The following FAM13B variants were observed in gnomAD, a reference collection of about 807,000 sequenced individuals.
FAM13B encodes protein FAM13B.
Under a neutral mutation model 117.3 loss-of-function variants are expected in FAM13B, and 60 were observed. That is an observed-to-expected ratio of 0.51 (90% CI 0.42 to 0.63). The LOEUF (loss-of-function observed/expected upper bound fraction) is 0.63. Among genes scored for constraint, FAM13B ranks in the 30% least tolerant of loss-of-function variants. The pLI, the probability that FAM13B is intolerant of heterozygous loss-of-function variation, is 0.00. For synonymous variants in FAM13B, 332 were observed against 356.1 expected, an observed-to-expected ratio of 0.93 and a Z score of 0.76; for missense variants, 972 against 1,091.9, an observed-to-expected ratio of 0.89 and a Z score of 1.55.
At chr5:138,052,146 C>A (rs1432499447), upstream of FAM13B, among the ~76,000 whole-genome samples, 4 of 151,488 alleles carry the variant, frequency 2.6e-5, no homozygotes, top group Non-Finnish European at 5.9e-5. Context: ...ACAAGTCAGC[C>A]AGGGTTTCCA....
rs564830871 is a variant in FAM13B at position 137,963,727 on chromosome 5, T to C, written c.1180-1258A>G. Among the ~76,000 whole-genome samples, 4 of 151,972 alleles carry C rather than the reference T, an allele frequency of 2.6e-5. No individual in the cohort carries two copies. The South Asian group carries it at 6.2e-4, about 24-fold the overall frequency. On this transcript the variant is annotated intron_variant, in intron 10 of 23. Coordinates refer to ENST00000689681, the MANE Select transcript of FAM13B (RefSeq NM_001385994.1). The stretch of plus-strand genomic sequence containing the variant: ...GGTGAGCAGCTGGGGGAGTGGGGAG[T>C]GAGCACTATGGCATGAGCTCCGCGC...
At chr5:138,010,967 A>AG in intron 6 of FAM13B, 41 bp downstream of exon 6, 1 of 1,411,520 alleles carries the variant, frequency 7.1e-7, no homozygotes. Context: ...TAAAAAAAAA[A>AG]AAAAAAAAAA....
chr5:138,026,105 TTAACTA>T (rs1458030025), intron 1 of FAM13B, among the ~76,000 whole-genome samples: 4 of 152,146 alleles, frequency 2.6e-5, no homozygotes, highest in African/African-American at 4.8e-5. Context: ...TTCAAAGACT[TTAACTA>T]TATCAACTCA....
At chr5:138,009,299 C>G (rs1422194774) in intron 6 of FAM13B, among the ~76,000 whole-genome samples, 3 of 152,172 alleles carry the variant, frequency 2.0e-5, no homozygotes, top group African/African-American at 7.2e-5. Context: ...TGAAAAATCA[C>G]TGGCCTAAGT....
In FAM13B at chr5:137,954,117, T is replaced by A. The variant is rs1369091200; in HGVS notation, c.1718+49A>T. The A allele has an allele frequency of 4.5e-6, 6 of 1,337,876 alleles. No individual in the cohort carries two copies. The Admixed American group carries it at 1.1e-4, about 24-fold the overall frequency. 82.9% of individuals were successfully genotyped at this position (1,337,876 alleles called of 1,614,324 possible). A position where few individuals can be genotyped will look rare whatever the true frequency, so the allele number is the denominator to read the frequency against. On this transcript the variant is annotated intron_variant, in intron 15 of 23. Transcript: ENST00000689681. ...GGAAGACTAAATCTCTCAAAAGACT[T>A]GGGTACATAATAGGAATTGCCTCTT...
intron 10 of FAM13B, among the ~76,000 whole-genome samples, chr5:137,983,879 T>C (rs1339464683): frequency 1.3e-5 from 2 of 152,294 alleles, no homozygotes; most frequent in South Asian, 2.1e-4. Context: ...ATACAAAACC[T>C]AAGTCTTCCT....
At position 137,953,355 on chromosome 5, in the gene FAM13B, T is replaced by C; in HGVS notation, c.1829A>G (p.Glu610Gly). ...KKIRQFEEQF[E>G]RERNSKPSYS... ...ACCTACCTTGCTATTTCTTTCCCTT[T>C]CAAACTGTTCCTCAAATTGTCTGAT... Residue 610 changes from glutamate to glycine, a missense_variant, in exon 16 of 24, where the codon GAA (glutamate) becomes GGA (glycine). By Grantham distance (98) the Glu-to-Gly change is moderately conservative. Coordinates refer to ENST00000689681, the MANE Select transcript of FAM13B (RefSeq NM_001385994.1). The C allele has an allele frequency of 4.3e-6, 7 of 1,614,020 alleles. No individual in the cohort carries two copies. Among genetic ancestry groups the C allele is most frequent in the Non-Finnish European group, 5.1e-6 (6 of 1,179,922 alleles).
At chr5:138,008,698 T>G (rs1783166328) in intron 6 of FAM13B, among the ~76,000 whole-genome samples, 2 of 152,226 alleles carry the variant, frequency 1.3e-5, no homozygotes, top group African/African-American at 4.8e-5. Flanking sequence ...TGTTGTCATT[T>G]CTTTAATAGC....
chr5:137,964,108 C>T (rs1768957205), intron 10 of FAM13B, among the ~76,000 whole-genome samples: 3 of 152,014 alleles, frequency 2.0e-5, no homozygotes, highest in Non-Finnish European at 4.4e-5. Context: ...GTCATCCAGG[C>T]CAGAGTGAGG....
chr5:138,048,025 T>C (rs1228483075), intron 1 of FAM13B, among the ~76,000 whole-genome samples: 1 of 152,106 alleles, frequency 6.6e-6, no homozygotes, highest in Non-Finnish European at 1.5e-5. Context: ...GAGTTCCAAG[T>C]TTCCCCTAAT....
chr5:138,032,913 C>A lies in FAM13B; in HGVS notation c.-334G>T. 1.0e-6 allele frequency: 1 copy of A among 985,712 alleles called. No homozygotes were observed. Among genetic ancestry groups the A allele is most frequent in the Non-Finnish European group, 1.2e-6 (1 of 830,048 alleles). 61.1% of individuals were successfully genotyped at this position (985,712 alleles called of 1,614,324 possible). A position where few individuals can be genotyped will look rare whatever the true frequency, so the allele number is the denominator to read the frequency against. On this transcript the variant is annotated 5_prime_UTR_variant, in exon 1 of 24. Coordinates refer to ENST00000689681, the MANE Select transcript of FAM13B (RefSeq NM_001385994.1). ...AGCCTCTTCCTGGGGCGGCCGCTGACGGGAGGTTAAAGCTACGGCTGTGGC... is the reference window on the plus strand; with the variant it reads ...AGCCTCTTCCTGGGGCGGCCGCTGAAGGGAGGTTAAAGCTACGGCTGTGGC...
chr5:138,005,991 C>T (rs1163090191), intron 7 of FAM13B, among the ~76,000 whole-genome samples: 1 of 151,876 alleles, frequency 6.6e-6, no homozygotes, highest in Non-Finnish European at 1.5e-5. Context: ...CTCCGCCTCC[C>T]GGGTTCATGC....
chr5:137,955,385 C>A (rs2150239275), intron 14 of FAM13B, among the ~76,000 whole-genome samples: 1 of 151,364 alleles, frequency 6.6e-6, no homozygotes, highest in South Asian at 2.1e-4. Flanking sequence ...TTAATAATAC[C>A]CAACAGTGTT....
chr5:137,962,786 C>T (rs1347587852), intron 10 of FAM13B, among the ~76,000 whole-genome samples: 1 of 152,040 alleles, frequency 6.6e-6, no homozygotes, highest in Non-Finnish European at 1.5e-5. Flanking sequence ...CCAACTGCTG[C>T]TTGCTTTATT....
chr5:137,993,145 C>T (rs1304178625), intron 7 of FAM13B, among the ~76,000 whole-genome samples: 1 of 152,122 alleles, frequency 6.6e-6, no homozygotes, highest in Admixed American at 6.5e-5. Flanking sequence ...CTAAAACATA[C>T]AAGGAAGTGA....
rs1241290873 is a variant in FAM13B at position 137,943,363 on chromosome 5, T to C, written c.2341-147A>G. On this transcript the variant is annotated intron_variant, in intron 20 of 23. Transcript: ENST00000689681. The stretch of plus-strand genomic sequence containing the variant: ...AATCTTTTTAGGAATTGCTTACATT[T>C]ATTTTTGCTTATATTTTTATTTATG... The C allele has an allele frequency of 4.7e-6, 3 of 634,564 alleles. No homozygotes were observed. In the African/African-American group the frequency reaches 5.5e-5, roughly 12 times the overall value. 39.3% of individuals were successfully genotyped at this position (634,564 alleles called of 1,614,324 possible). A position where few individuals can be genotyped will look rare whatever the true frequency, so the allele number is the denominator to read the frequency against.
intron 1 of FAM13B, among the ~76,000 whole-genome samples, chr5:138,047,180 G>GC (rs1791666470): frequency 6.6e-6 from 1 of 151,938 alleles, no homozygotes; most frequent in South Asian, 2.1e-4. Flanking sequence ...CATAAAGATG[G>GC]CTAGTGTAGG....
At chr5:138,043,430 T>TTTTC (rs1295991084) in intron 1 of FAM13B, among the ~76,000 whole-genome samples, 32 of 151,792 alleles carry the variant, frequency 2.1e-4, no homozygotes, top group African/African-American at 7.0e-4. Context: ...TTATTCTTTT[T>TTTTC]TTTCTTTCTT....
Position 137,952,700 on chromosome 5 carries a change from T to C in FAM13B, c.1858A>G (p.Ser620Gly), listed in dbSNP as rs1765382098. Residue 620 changes from serine to glycine, a missense_variant, in exon 17 of 24, where the codon AGT (serine) becomes GGT (glycine). Physicochemically the swap from Ser to Gly is moderately conservative, Grantham distance 56 (BLOSUM62 0). Coordinates refer to ENST00000689681, the MANE Select transcript of FAM13B (RefSeq NM_001385994.1). The part of the protein sequence containing the change: ...ERERNSKPSY[S>G]DIAANPKVLK... ...ACCTTTGGATTGGCAGCAATATCACTGTAGGAGGGCTGAAAAATTATGGAG... is the reference window on the plus strand; with the variant it reads ...ACCTTTGGATTGGCAGCAATATCACCGTAGGAGGGCTGAAAAATTATGGAG... 1.2e-6 allele frequency: 2 copies of C among 1,600,346 alleles called. No homozygotes were observed. The highest frequency in any genetic ancestry group is 4.5e-5 in the East Asian group (2 of 44,636).
Sources: allele counts gnomAD v4.1 joint callset (sites outside exome capture counted in the v4.1 genomes callset), GRCh38; gene constraint gnomAD v4.1.1; transcripts MANE v1.5; gene names NCBI Gene and HGNC (gene_info 2026-07-23, HGNC 2026-07-21).